The following ANKS1B variants were observed in gnomAD, a reference collection of about 807,000 sequenced individuals.
ANKS1B encodes the protein ankyrin repeat and sterile alpha motif domain containing 1B.
ANKS1B carries 36 observed loss-of-function variants against 148.3 expected under a neutral mutation model. That is an observed-to-expected ratio of 0.24 (90% CI 0.19 to 0.32). ANKS1B has a LOEUF of 0.32. Ranked by LOEUF, ANKS1B falls within the 10% of genes least tolerant of loss-of-function variation. The probability of loss-of-function intolerance (pLI) is 1.00; values close to 1 mark genes in which losing one functional copy is unlikely to be tolerated. For missense variants in ANKS1B, 1,157 were observed against 1,542.6 expected, an observed-to-expected ratio of 0.75 and a Z score of 4.19; for synonymous variants, 542 against 560.8, an observed-to-expected ratio of 0.97 and a Z score of 0.47.
chr12:99,318,003 T>G (rs929724097), intron 12 of ANKS1B, among the ~76,000 whole-genome samples: 2 of 152,266 alleles, frequency 1.3e-5, no homozygotes, highest in Admixed American at 6.5e-5. Context: ...CCTTGCATCC[T>G]AGGGATGAAG....
intron 9 of ANKS1B, among the ~76,000 whole-genome samples, chr12:99,526,229 T>C (rs1377417496): frequency 6.6e-6 from 1 of 152,222 alleles, no homozygotes; most frequent in Non-Finnish European, 1.5e-5. Context: ...TGTGAATTGA[T>C]GTAAACCTCT....
intron 10 of ANKS1B, among the ~76,000 whole-genome samples, chr12:99,479,995 T>C (rs1040886518): frequency 4.6e-5 from 7 of 151,854 alleles, no homozygotes; most frequent in African/African-American, 1.7e-4. Context: ...CATTACACTG[T>C]ATCCCATAAA....
chr12:99,005,578 C>T (rs985275039), intron 17 of ANKS1B, among the ~76,000 whole-genome samples: 6 of 152,172 alleles, frequency 3.9e-5, no homozygotes, highest in Non-Finnish European at 5.9e-5. Context: ...CTTCCTCTAT[C>T]CTCTTTTTAC....
At chr12:99,079,039 G>A (rs1373277692) in intron 16 of ANKS1B, among the ~76,000 whole-genome samples, 3 of 152,128 alleles carry the variant, frequency 2.0e-5, no homozygotes, top group South Asian at 4.1e-4. Flanking sequence ...GAGGCACTGA[G>A]GCCTCAGTCC....
intron 17 of ANKS1B, among the ~76,000 whole-genome samples, chr12:98,871,667 G>A (rs2099669696): frequency 6.6e-6 from 1 of 151,930 alleles, no homozygotes; most frequent in African/African-American, 2.4e-5. Context: ...AGATATTCAA[G>A]AAGCAGTTAC....
At position 99,680,426 on chromosome 12, in the gene ANKS1B, ACT is replaced by A. The variant is rs144001667; in HGVS notation, c.1129-25218_1129-25217del. 9.9e-3 allele frequency among the ~76,000 whole-genome samples: 1,456 copies of A among 146,810 alleles called. 27 individuals are homozygous for A. Among genetic ancestry groups the A allele is most frequent in the African/African-American group, 0.035 (1,363 of 39,090 alleles). On this transcript the variant is annotated intron_variant, in intron 8 of 26. Transcript: ENST00000683438. ...ACTGCACACCAGGCTGTCTGTTAAG[ACT>A]CTGTCAAAAAAAAAAAGGAAGAAGA...
At chr12:99,262,212 A>C (rs1278683177) in intron 12 of ANKS1B, among the ~76,000 whole-genome samples, 2 of 152,070 alleles carry the variant, frequency 1.3e-5, no homozygotes, top group Admixed American at 1.3e-4. Context: ...TCCCTGCTTT[A>C]TAGTTTCTCC....
intron 12 of ANKS1B, among the ~76,000 whole-genome samples, chr12:99,323,417 T>C (rs900681292): frequency 6.6e-6 from 1 of 152,200 alleles, no homozygotes; most frequent in Admixed American, 6.5e-5. Flanking sequence ...TGATTTTCAT[T>C]TCTTGCAATT....
intron 1 of ANKS1B, among the ~76,000 whole-genome samples, chr12:99,851,043 T>C (rs774934958): frequency 1.3e-5 from 2 of 152,114 alleles, no homozygotes; most frequent in African/African-American, 4.8e-5. Context: ...CTCCATAACA[T>C]GAAAATGACC....
chr12:98,813,475 C>T (rs190252120), intron 19 of ANKS1B, among the ~76,000 whole-genome samples: 45 of 151,678 alleles, frequency 3.0e-4, no homozygotes, highest in Admixed American at 1.6e-3. Context: ...CTTCGGCCTC[C>T]GGAAGTGCTA....
chr12:99,155,995 C>T (rs2076002763), intron 14 of ANKS1B, among the ~76,000 whole-genome samples: 1 of 152,188 alleles, frequency 6.6e-6, no homozygotes, highest in Non-Finnish European at 1.5e-5. Flanking sequence ...ATAACTCTCT[C>T]ATCCCCCCAG....
intron 14 of ANKS1B, among the ~76,000 whole-genome samples, chr12:99,221,691 G>A (rs2085154636): frequency 6.6e-6 from 1 of 152,132 alleles, no homozygotes; most frequent in Non-Finnish European, 1.5e-5. Flanking sequence ...TGCTATATTG[G>A]TCAGGACATA....
chr12:98,752,175 TA>T (rs986958594), intron 25 of ANKS1B, among the ~76,000 whole-genome samples: 3 of 152,152 alleles, frequency 2.0e-5, no homozygotes, highest in African/African-American at 7.2e-5. Flanking sequence ...CATGCCTCCC[TA>T]AAATGTATAA....
chr12:99,848,064 G>C (rs1184062303), intron 1 of ANKS1B, among the ~76,000 whole-genome samples: 4 of 152,062 alleles, frequency 2.6e-5, no homozygotes, highest in African/African-American at 9.7e-5. Context: ...ATGAGACTGA[G>C]AGCCACAGTC....
intron 12 of ANKS1B, among the ~76,000 whole-genome samples, chr12:99,257,428 C>G (rs1331530746): frequency 1.3e-5 from 2 of 152,018 alleles, no homozygotes; most frequent in Non-Finnish European, 2.9e-5. Context: ...GCATAATCTG[C>G]TATTTAGCCT....
At chr12:99,581,345 G>T (rs2097567756) in intron 9 of ANKS1B, among the ~76,000 whole-genome samples, 1 of 151,916 alleles carries the variant, frequency 6.6e-6, no homozygotes, top group Non-Finnish European at 1.5e-5. Context: ...AGAAACATTT[G>T]GATATCCAAA....
In ANKS1B at chr12:98,832,056, C is replaced by T. The variant is rs1315225317; in HGVS notation, c.2859G>A (p.Gln953=). ...TGAGGGTGATGGACCGAGGGGGCTT[C>T]TGTGGGGGATCGTCGTGCAGCCTGT... ...LGDRLHDDPP[Q]KPPRSITLRE... The change falls in exon 18 of 27, where the codon CAG becomes CAA. Residue 953 remains glutamine, a synonymous_variant. Coordinates refer to ENST00000683438, the MANE Select transcript of ANKS1B (RefSeq NM_001352186.2). 1 of 1,597,402 alleles carries T rather than the reference C, an allele frequency of 6.3e-7. No homozygotes were observed. The highest frequency in any genetic ancestry group is 8.5e-7 in the Non-Finnish European group (1 of 1,171,796).
At chr12:99,027,392 C>A (rs1415721054) in intron 17 of ANKS1B, among the ~76,000 whole-genome samples, 3 of 152,160 alleles carry the variant, frequency 2.0e-5, no homozygotes, top group Non-Finnish European at 4.4e-5. Flanking sequence ...GAGTTATTAA[C>A]CAGTTATCTG....
chr12:99,420,362 G>T (rs1478515357), intron 11 of ANKS1B, among the ~76,000 whole-genome samples: 79 of 152,180 alleles, frequency 5.2e-4, no homozygotes, highest in Non-Finnish European at 4.4e-5. Context: ...GTAGAATAAA[G>T]TTAAGGTTTA....
Sources: allele counts gnomAD v4.1 joint callset (sites outside exome capture counted in the v4.1 genomes callset), GRCh38; gene constraint gnomAD v4.1.1; transcripts MANE v1.5; gene names NCBI Gene and HGNC (gene_info 2026-07-23, HGNC 2026-07-21).